Variants in PRRC1 observed in about 807,000 individuals in gnomAD.
PRRC1 encodes proline rich coiled-coil 1, also known as protein PRRC1.
A neutral mutation model predicts 40.7 loss-of-function variants in PRRC1; 39 were observed. The observed-to-expected ratio is 0.96, with a 90% confidence interval of 0.74 to 1.25. The LOEUF (loss-of-function observed/expected upper bound fraction) is 1.25, where lower values mean the gene tolerates loss of function less well. Ranked by LOEUF, PRRC1 falls within the 50% of genes most tolerant of loss-of-function variation. The pLI is 0.00. For synonymous variants in PRRC1, 175 were observed against 193.3 expected (o/e 0.91, Z 0.79); for missense variants, 573 against 548.3 (o/e 1.05, Z -0.45).
chr5:127,530,251 C>G (rs767070914), intron 4 of PRRC1, 43 bp from the exon 5 acceptor site: 3 of 1,536,804 alleles, frequency 2.0e-6, no homozygotes, highest in Non-Finnish European at 2.7e-6. Context: ...CATGGTGTTC[C>G]TCACTTAGAG....
At chr5:127,534,656 C>G (rs1041104637) in intron 6 of PRRC1, among the ~76,000 whole-genome samples, 1 of 152,184 alleles carries the variant, frequency 6.6e-6, no homozygotes, top group Admixed American at 6.5e-5. Context: ...TCTCTCCAGT[C>G]TTCTGACGGT....
chr5:127,523,668 G>T, intron 2 of PRRC1, 86 bp downstream of exon 2: 1 of 686,504 alleles, frequency 1.5e-6, no homozygotes, highest in Non-Finnish European at 2.3e-6. Flanking sequence ...AGAAAAGAAT[G>T]CATATATTAA....
chr5:127,519,617 C>T (rs185534160), intron 1 of PRRC1, among the ~76,000 whole-genome samples: 1 of 152,292 alleles, frequency 6.6e-6, no homozygotes, highest in East Asian at 1.9e-4. Context: ...TAGCTCATCT[C>T]TTATTCTCTG....
rs1439502610 is a variant in PRRC1 at position 127,529,963 on chromosome 5, TTTA to T, written c.655-329_655-327del. Among the ~76,000 whole-genome samples the T allele has an allele frequency of 3.9e-5, 6 of 152,202 alleles. No homozygotes were observed. In the East Asian group the frequency reaches 1.2e-3, roughly 29 times the overall value. On this transcript the variant is annotated intron_variant, in intron 4 of 8. Coordinates refer to ENST00000296666, the MANE Select transcript of PRRC1 (RefSeq NM_130809.5). ...CTAAGGGACAAGTTTTGCCCAATCT[TTTA>T]TATAAATAAGTAGAAGTGAAATTAT...
chr5:127,539,031 G>A lies in PRRC1; in HGVS notation c.922-9G>A. ...GAAATGGTCTCTAACCTCTGCCATT[G>A]TTGTTTAGGGTGCTCAGGAACGGAT... On this transcript the variant is annotated splice_polypyrimidine_tract_variant and intron_variant, in intron 6 of 8. Transcript: ENST00000296666. 6.2e-7 allele frequency: 1 copy of A among 1,608,040 alleles called. No individual in the cohort carries two copies. The highest frequency in any genetic ancestry group is 8.5e-7 in the Non-Finnish European group (1 of 1,175,426).
chr5:127,548,552 G>T (rs1474529807), intron 8 of PRRC1: 2 of 151,178 alleles, frequency 1.3e-5, no homozygotes, highest in Non-Finnish European at 2.9e-5. Context: ...CTCTTAAGTG[G>T]TATTCTATTG....
chr5:127,553,038 A>C lies in PRRC1; in HGVS notation c.*1122A>C, dbSNP rs1248716478. The C allele has an allele frequency of 1.4e-6, 1 of 734,186 alleles. No individual in the cohort carries two copies. The highest frequency in any genetic ancestry group is 1.9e-5 in the African/African-American group (1 of 52,172). 45.5% of individuals were successfully genotyped at this position (734,186 alleles called of 1,614,324 possible). ...GACTTATATAAATGATAATTAAATA[A>C]ATTTTTTTCTTAATACTGTTGGACT... On this transcript the variant is annotated 3_prime_UTR_variant, in exon 9 of 9. Coordinates refer to ENST00000296666, the MANE Select transcript of PRRC1 (RefSeq NM_130809.5).
chr5:127,543,399 C>G (rs1004104942), intron 7 of PRRC1, among the ~76,000 whole-genome samples: 1 of 151,846 alleles, frequency 6.6e-6, no homozygotes, highest in Non-Finnish European at 1.5e-5. Context: ...CTCTGTATTT[C>G]CTGAATCTGA....
Position 127,523,538 on chromosome 5 carries a change from C to T in PRRC1, c.59C>T (p.Ala20Val), listed in dbSNP as rs1767521064. 1 of 1,613,042 alleles carries T rather than the reference C, an allele frequency of 6.2e-7. No homozygotes were observed. The highest frequency in any genetic ancestry group is 1.1e-5 in the South Asian group (1 of 90,868). ...TPPGTPPPNP[A>V]GLAATAMSST... ...CCTGGGACTCCTCCACCAAATCCTG[C>T]AGGGCTGGCTGCTACTGCTATGTCT... is the stretch of plus-strand genomic sequence containing the variant. The change falls in exon 2 of 9, where the codon GCA becomes GTA. Residue 20 changes from alanine to valine, a missense_variant. Coordinates refer to ENST00000296666, the MANE Select transcript of PRRC1 (RefSeq NM_130809.5).
At chr5:127,533,551 C>G in intron 5 of PRRC1, 72 bp from the exon 6 acceptor site, 2 of 1,253,148 alleles carry the variant, frequency 1.6e-6, no homozygotes, top group East Asian at 2.3e-5. Context: ...GATGTTAGCA[C>G]CTGGTATGGT....
chr5:127,533,923 G>C (rs1349789882), intron 6 of PRRC1, 137 bp downstream of exon 6: 11 of 859,322 alleles, frequency 1.3e-5, no homozygotes, highest in African/African-American at 6.7e-5. Flanking sequence ...TTAGTAGACA[G>C]CCCTATCGTA....
chr5:127,524,074 AT>A, intron 2 of PRRC1: 1 of 159,744 alleles, frequency 6.3e-6, no homozygotes, highest in Non-Finnish European at 1.4e-5. Flanking sequence ...GGATTTCACA[AT>A]TTTGGCCAGG....
At chr5:127,534,170 C>T (rs2127101691) in intron 6 of PRRC1, among the ~76,000 whole-genome samples, 1 of 152,202 alleles carries the variant, frequency 6.6e-6, no homozygotes, top group Middle Eastern at 3.4e-3. Context: ...GGAATTCCGT[C>T]CTCTCTTTCA....
intron 7 of PRRC1, among the ~76,000 whole-genome samples, chr5:127,546,494 G>C (rs1260952517): frequency 6.6e-6 from 1 of 152,084 alleles, no homozygotes; most frequent in Admixed American, 6.5e-5. Context: ...CAAAACTCTA[G>C]AGTCTTTAAG....
chr5:127,552,161 C>T lies in PRRC1; in HGVS notation c.*245C>T. 7.8e-7 allele frequency: 1 copy of T among 1,279,416 alleles called. No individual in the cohort carries two copies. Among genetic ancestry groups the T allele is most frequent in the Non-Finnish European group, 9.9e-7 (1 of 1,009,558 alleles). The allele number at this position is 1,279,416 out of a possible 1,614,324, so 79.3% of individuals were successfully genotyped here. On this transcript the variant is annotated 3_prime_UTR_variant, in exon 9 of 9. Coordinates refer to ENST00000296666, the MANE Select transcript of PRRC1 (RefSeq NM_130809.5). ...TACTCAAAAAAGAAAATATACAAAT[C>T]TATTTACAGCACAATTTAATATACC...
chr5:127,553,116 T>A lies in PRRC1; in HGVS notation c.*1200T>A. ...TCGAAGATAGTTTCTTATATAAATG[T>A]AATTTAATTTTTTTACTCTTCTATA... is the stretch of plus-strand genomic sequence containing the variant. On this transcript the variant is annotated 3_prime_UTR_variant, in exon 9 of 9. Coordinates refer to ENST00000296666, the MANE Select transcript of PRRC1 (RefSeq NM_130809.5). The A allele has an allele frequency of 1.1e-6, 1 of 921,236 alleles. No homozygotes were observed. The highest frequency in any genetic ancestry group is 1.8e-5 in the African/African-American group (1 of 55,944). The allele number at this position is 921,236 out of a possible 1,614,324, so 57.1% of individuals were successfully genotyped here.
chr5:127,553,143 A>G lies in PRRC1; in HGVS notation c.*1227A>G. 1.0e-6 allele frequency: 1 copy of G among 969,516 alleles called. No individual in the cohort carries two copies. The highest frequency in any genetic ancestry group is 1.2e-6 in the Non-Finnish European group (1 of 815,612). 60.1% of individuals were successfully genotyped at this position (969,516 alleles called of 1,614,324 possible). A position where few individuals can be genotyped will look rare whatever the true frequency, so the allele number is the denominator to read the frequency against. ...ATTTAATTTTTTTACTCTTCTATAC[A>G]GTTCTTTAGATGTAAAAGAATTAGC... On this transcript the variant is annotated 3_prime_UTR_variant, in exon 9 of 9. Coordinates refer to ENST00000296666, the MANE Select transcript of PRRC1 (RefSeq NM_130809.5).
chr5:127,548,747 G>A (rs904723105), intron 8 of PRRC1: 4 of 152,108 alleles, frequency 2.6e-5, no homozygotes, highest in African/African-American at 9.7e-5. Context: ...TTTGGCATAT[G>A]TGTTCACATA....
intron 6 of PRRC1, among the ~76,000 whole-genome samples, chr5:127,535,536 A>G (rs1767877075): frequency 6.6e-6 from 1 of 152,196 alleles, no homozygotes; most frequent in Non-Finnish European, 1.5e-5. Flanking sequence ...AGCTCTGTGC[A>G]TGTCCGATTT....
Sources: gnomAD v4.1 joint callset for allele counts (sites outside exome capture counted in the v4.1 genomes callset) on GRCh38, gnomAD v4.1.1 for gene constraint, MANE v1.5 for transcripts, NCBI Gene and HGNC (gene_info 2026-07-23, HGNC 2026-07-21) for gene names.